The following POTEC variants were observed in gnomAD, a reference collection of about 807,000 sequenced individuals.
The protein encoded by POTEC is ANKRD26-like family B member 2.
Under a neutral mutation model 62.0 loss-of-function variants are expected in POTEC, and 35 were observed. The ratio of observed to expected loss-of-function variants is 0.56; its 90% confidence interval spans 0.43 to 0.75. The LOEUF is 0.75. Ranked by LOEUF, POTEC falls within the 30% of genes least tolerant of loss-of-function variation. The pLI, the probability that POTEC is intolerant of heterozygous loss-of-function variation, is 0.00. For synonymous variants in POTEC, 156 were observed against 221.5 expected, an observed-to-expected ratio of 0.70 and a Z score of 2.62; for missense variants, 472 against 655.9, an observed-to-expected ratio of 0.72 and a Z score of 3.06.
chr18:14,539,246 A>G (rs1905850920), intron 1 of POTEC, among the ~76,000 whole-genome samples: 1 of 152,004 alleles, frequency 6.6e-6, no homozygotes. Flanking sequence ...TTTAAAATGG[A>G]TTTATGAAAC....
intron 1 of POTEC, among the ~76,000 whole-genome samples, chr18:14,541,360 T>C (rs988406052): frequency 6.6e-6 from 1 of 152,234 alleles, no homozygotes; most frequent in Non-Finnish European, 1.5e-5. Context: ...TATCTGCATA[T>C]ATATGCCGGT....
At chr18:14,527,452 A>C (rs1276677959) in intron 6 of POTEC, among the ~76,000 whole-genome samples, 1 of 152,080 alleles carries the variant, frequency 6.6e-6, no homozygotes, top group Non-Finnish European at 1.5e-5. Flanking sequence ...CTTCCTTAAT[A>C]TGCTCCTTGC....
At chr18:14,531,513 G>T (rs565332855) in intron 5 of POTEC, among the ~76,000 whole-genome samples, 10 of 151,848 alleles carry the variant, frequency 6.6e-5, no homozygotes, top group Non-Finnish European at 1.3e-4. Flanking sequence ...ATTTTGCATC[G>T]AACACATTAT....
chr18:14,519,666 G>A lies in POTEC; in HGVS notation c.1409+2588C>T, dbSNP rs556510013. On this transcript the variant is annotated intron_variant, in intron 9 of 10. Coordinates refer to ENST00000358970, the MANE Select transcript of POTEC (RefSeq NM_001137671.2). ...CAGGAGGCAGAGGTTGTAGTGAGCC[G>A]AGATCACACCACTGAACTCCAGCCT... Among the ~76,000 whole-genome samples the A allele has an allele frequency of 4.0e-5, 6 of 151,684 alleles. No individual in the cohort carries two copies. In the South Asian group the frequency reaches 1.0e-3, roughly 26 times the overall value.
In POTEC at chr18:14,543,312, AG is replaced by A; in HGVS notation, c.-167del. The stretch of plus-strand genomic sequence containing the variant: ...CAAGGGAGCCCAGTCCACCCCACCC[AG>A]GGAAAACCCACACCCACCCGGGGAA... On this transcript the variant is annotated 5_prime_UTR_variant, in exon 1 of 11. Coordinates refer to ENST00000358970, the MANE Select transcript of POTEC (RefSeq NM_001137671.2). 7.9e-7 allele frequency: 1 copy of A among 1,272,842 alleles called. No homozygotes were observed. Among genetic ancestry groups the A allele is most frequent in the Non-Finnish European group, 1.1e-6 (1 of 932,406 alleles). The allele number at this position is 1,272,842 out of a possible 1,614,324, so 78.8% of individuals were successfully genotyped here. A position where few individuals can be genotyped will look rare whatever the true frequency, so the allele number is the denominator to read the frequency against.
At chr18:14,523,916 T>C (rs1910371833) in intron 7 of POTEC, among the ~76,000 whole-genome samples, 1 of 152,142 alleles carries the variant, frequency 6.6e-6, no homozygotes, top group Admixed American at 6.6e-5. Flanking sequence ...AAAGAGCGTA[T>C]CTCATGAAAC....
chr18:14,513,925 G>T, intron 9 of POTEC, 140 bp from the exon 10 acceptor site: 1 of 1,500,170 alleles, frequency 6.7e-7, no homozygotes. Flanking sequence ...TCTCACATCT[G>T]TTAACCCTGC....
intron 3 of POTEC, among the ~76,000 whole-genome samples, chr18:14,537,200 C>A (rs1190999930): frequency 2.4e-5 from 2 of 82,402 alleles, no homozygotes; most frequent in African/African-American, 1.4e-4. Flanking sequence ...CACACACACA[C>A]ACACACACAC....
chr18:14,528,046 C>G (rs1386701950), intron 6 of POTEC: 2 of 152,180 alleles, frequency 1.3e-5, no homozygotes, highest in Non-Finnish European at 2.9e-5. Context: ...GGAGCTCAGT[C>G]ATGCCTGTTT....
intron 9 of POTEC, among the ~76,000 whole-genome samples, chr18:14,521,829 G>T (rs1910317482): frequency 6.6e-6 from 1 of 152,110 alleles, no homozygotes; most frequent in African/African-American, 2.4e-5. Flanking sequence ...ACAAAGAGGA[G>T]AATAACAGAC....
At position 14,508,617 on chromosome 18, in the gene POTEC, G is replaced by A. The variant is rs1909909464; in HGVS notation, c.*3281C>T. The A allele has an allele frequency of 6.6e-6, 1 of 152,586 alleles. No individual in the cohort carries two copies. Among genetic ancestry groups the A allele is most frequent in the South Asian group, 2.1e-4 (1 of 4,834 alleles). 9.5% of individuals were successfully genotyped at this position (152,586 alleles called of 1,614,324 possible). On this transcript the variant is annotated 3_prime_UTR_variant, in exon 11 of 11. Transcript: ENST00000358970. ...CTCACTATTTTGTCTGTTAGTTCCTGCAATGTTTTACAATGATTTTTAGCT... is the reference window on the plus strand; with the variant it reads ...CTCACTATTTTGTCTGTTAGTTCCTACAATGTTTTACAATGATTTTTAGCT...
In POTEC at chr18:14,516,341, T is replaced by C. The variant is rs1438563823; in HGVS notation, c.1410-2556A>G. ...ATATATATATATATATATATACCTA[T>C]ACCTGAGACTGGGTAATTCATAAAG... On this transcript the variant is annotated intron_variant, in intron 9 of 10. Transcript: ENST00000358970. 3.6e-5 allele frequency among the ~76,000 whole-genome samples: 3 copies of C among 83,904 alleles called. 1 individual carries two copies. In the Admixed American group the frequency reaches 4.0e-4, roughly 11 times the overall value. 55.0% of individuals were successfully genotyped at this position (83,904 alleles called of 152,430 possible).
chr18:14,540,889 TTTTA>T (rs1458380465), intron 1 of POTEC, among the ~76,000 whole-genome samples: 1 of 139,920 alleles, frequency 7.1e-6, no homozygotes, highest in African/African-American at 3.2e-5. Context: ...ATTTATTTAT[TTTTA>T]TTTATTTATT....
chr18:14,534,454 A>C lies in POTEC; in HGVS notation c.917+447T>G, dbSNP rs190744828. Among the ~76,000 whole-genome samples, 464 of 151,916 alleles carry C rather than the reference A, an allele frequency of 3.1e-3. 1 individual carries two copies. Among genetic ancestry groups the C allele is most frequent in the African/African-American group, 0.01 (431 of 41,420 alleles). On this transcript the variant is annotated intron_variant, in intron 4 of 10. Transcript: ENST00000358970. ...AATATTCTTCAAAGAAAGCAACTTA[A>C]AGCAGAGTCGTTGAAAAGATAAAAG...
Position 14,508,543 on chromosome 18 carries a change from T to C in POTEC, c.*3355A>G, listed in dbSNP as rs1026281022. 4 of 152,680 alleles carry C rather than the reference T, an allele frequency of 2.6e-5. No homozygotes were observed. The highest frequency in any genetic ancestry group is 4.4e-5 in the Non-Finnish European group (3 of 68,046). 9.5% of individuals were successfully genotyped at this position (152,680 alleles called of 1,614,324 possible). ...CCATGTGACTACATTATGAAAATTC[T>C]TCTAGTGTGATTTACAGCTCTGTCA... is the stretch of plus-strand genomic sequence containing the variant. On this transcript the variant is annotated 3_prime_UTR_variant, in exon 11 of 11. Coordinates refer to ENST00000358970, the MANE Select transcript of POTEC (RefSeq NM_001137671.2).
At chr18:14,521,497 T>A (rs1356727041) in intron 9 of POTEC, among the ~76,000 whole-genome samples, 4 of 152,164 alleles carry the variant, frequency 2.6e-5, no homozygotes, top group Non-Finnish European at 4.4e-5. Context: ...TTGATAAGGA[T>A]CCATCTTTTT....
intron 10 of POTEC, 94 bp downstream of exon 10, chr18:14,513,568 T>C (rs1270367229): frequency 4.0e-6 from 6 of 1,501,488 alleles, no homozygotes; most frequent in African/African-American, 2.8e-5. Flanking sequence ...CGTGTGTATA[T>C]ATGTGATTTA....
rs1289636542 is a variant in POTEC, at chr18:14,516,329, TATATATAC to T, written c.1410-2552_1410-2545del. Among the ~76,000 whole-genome samples, 60 of 71,076 alleles carry T rather than the reference TATATATAC, an allele frequency of 8.4e-4. 5 individuals are homozygous for T. Among genetic ancestry groups the T allele is most frequent in the South Asian group, 2.5e-3 (5 of 1,970 alleles). The allele number at this position is 71,076 out of a possible 152,430, so 46.6% of individuals were successfully genotyped here. A position where few individuals can be genotyped will look rare whatever the true frequency, so the allele number is the denominator to read the frequency against. On this transcript the variant is annotated intron_variant, in intron 9 of 10. Coordinates refer to ENST00000358970, the MANE Select transcript of POTEC (RefSeq NM_001137671.2). Reference sequence around the variant, plus strand: ...ATATATATATATATATATATATATATATATATACCTATACCTGAGACTGGGTAATTCAT... The same window carrying T: ...ATATATATATATATATATATATATATCTATACCTGAGACTGGGTAATTCAT...
Position 14,537,172 on chromosome 18 carries a change from A to AACACACACACACAC in POTEC, c.810+615_810+628dup, listed in dbSNP as rs1158054861. Among the ~76,000 whole-genome samples, 195 of 64,728 alleles carry AACACACACACACAC rather than the reference A, an allele frequency of 3.0e-3. 3 individuals are homozygous for AACACACACACACAC. Among genetic ancestry groups the AACACACACACACAC allele is most frequent in the Middle Eastern group, 0.017 (1 of 58 alleles). 42.5% of individuals were successfully genotyped at this position (64,728 alleles called of 152,430 possible). Reference sequence around the variant, plus strand: ...AAGGAAACGAATGAACAACAATAACAACACACACACACACACACACACACA... The same window carrying AACACACACACACAC: ...AAGGAAACGAATGAACAACAATAACAACACACACACACACACACACACACACACACACACACACA... On this transcript the variant is annotated intron_variant, in intron 3 of 10. Transcript: ENST00000358970.
Sources: gnomAD v4.1 joint callset for allele counts (sites outside exome capture counted in the v4.1 genomes callset) on GRCh38, gnomAD v4.1.1 for gene constraint, MANE v1.5 for transcripts, NCBI Gene and HGNC (gene_info 2026-07-23, HGNC 2026-07-21) for gene names.